Variants in DLGAP2 observed in about 807,000 individuals in gnomAD.
DLGAP2 encodes the protein DLG associated protein 2.
In DLGAP2, 26 loss-of-function variants were observed where a neutral mutation model predicts 100.3. That is an observed-to-expected ratio of 0.26 (90% CI 0.19 to 0.36). DLGAP2 has a LOEUF of 0.36. Ranked by LOEUF, DLGAP2 falls within the 10% of genes least tolerant of loss-of-function variation. The pLI is 1.00. For missense variants in DLGAP2, 1,858 were observed against 1,453.2 expected (o/e 1.28, Z -4.53); for synonymous variants, 886 against 630.1 (o/e 1.41, Z -6.08).
intron 2 of DLGAP2, among the ~76,000 whole-genome samples, chr8:986,280 G>A (rs967487669): frequency 5.9e-5 from 9 of 152,072 alleles, no homozygotes; most frequent in Non-Finnish European, 1.3e-4. Context: ...CTTCTGTGCC[G>A]GGTTTCCTTT....
intron 2 of DLGAP2, among the ~76,000 whole-genome samples, chr8:1,120,267 C>T (rs1796006778): frequency 6.6e-6 from 1 of 152,096 alleles, no homozygotes; most frequent in African/African-American, 2.4e-5. Context: ...AAGCAGCAGT[C>T]AGGGCCAAGG....
intron 2 of DLGAP2, among the ~76,000 whole-genome samples, chr8:1,229,613 C>T (rs1016453199): frequency 6.6e-6 from 1 of 152,000 alleles, no homozygotes; most frequent in Non-Finnish European, 1.5e-5. Context: ...AACACAGATG[C>T]AAACATTCTT....
intron 1 of DLGAP2, among the ~76,000 whole-genome samples, chr8:745,253 T>C (rs1374722914): frequency 6.6e-6 from 1 of 152,244 alleles, no homozygotes; most frequent in Non-Finnish European, 1.5e-5. Flanking sequence ...TTTCCGAACA[T>C]CTGTTTTCTG....
chr8:787,138 C>G (rs1821887847), intron 1 of DLGAP2, among the ~76,000 whole-genome samples: 1 of 152,182 alleles, frequency 6.6e-6, no homozygotes, highest in African/African-American at 2.4e-5. Context: ...GCAAACCTCC[C>G]TACCCCTCAT....
intron 6 of DLGAP2, among the ~76,000 whole-genome samples, chr8:1,584,170 TA>T (rs1421094649): frequency 6.6e-6 from 1 of 152,192 alleles, no homozygotes; most frequent in Non-Finnish European, 1.5e-5. Flanking sequence ...GATGAATGGA[TA>T]AAACCATCGT....
rs568899550 is a variant in DLGAP2 at position 974,078 on chromosome 8, G to A, written c.73+66112G>A. ...ATGGTAATACCAGAAAGAGAAGAAA[G>A]AAAGAAAAGAAAAGAAGAAATATTT... On this transcript the variant is annotated intron_variant, in intron 2 of 14. Coordinates refer to ENST00000637795, the MANE Select transcript of DLGAP2 (RefSeq NM_001346810.2). Among the ~76,000 whole-genome samples, 46 of 152,166 alleles carry A rather than the reference G, an allele frequency of 3.0e-4. No individual in the cohort carries two copies. The South Asian group carries it at 8.7e-3, about 29-fold the overall frequency.
Position 1,631,385 on chromosome 8 carries a change from A to G in DLGAP2, c.1591-1442A>G, listed in dbSNP as rs577832157. ...GACCTTCTCACGCTGTCTACGATACATCTTTGACAGGAATGACACAATCTA... is the reference window on the plus strand; with the variant it reads ...GACCTTCTCACGCTGTCTACGATACGTCTTTGACAGGAATGACACAATCTA... On this transcript the variant is annotated intron_variant, in intron 7 of 14. Coordinates refer to ENST00000637795, the MANE Select transcript of DLGAP2 (RefSeq NM_001346810.2). 5.1e-4 allele frequency among the ~76,000 whole-genome samples: 78 copies of G among 152,240 alleles called. 1 individual carries two copies. The highest frequency in any genetic ancestry group is 3.4e-3 in the Middle Eastern group (1 of 294).
chr8:963,596 A>C (rs1398838266), intron 2 of DLGAP2, among the ~76,000 whole-genome samples: 1 of 152,222 alleles, frequency 6.6e-6, no homozygotes, highest in South Asian at 2.1e-4. Context: ...TAATTTTATC[A>C]TCTTAATTGG....
chr8:1,368,960 C>G (rs570716469), intron 3 of DLGAP2: 1 of 152,194 alleles, frequency 6.6e-6, no homozygotes, highest in African/African-American at 2.4e-5. Context: ...AACGCAGGTC[C>G]TCCGCACATA....
chr8:1,042,130 C>A (rs138002245), intron 2 of DLGAP2, among the ~76,000 whole-genome samples: 54 of 152,304 alleles, frequency 3.5e-4, no homozygotes, highest in African/African-American at 1.3e-3. Flanking sequence ...AGCCCCAGCA[C>A]CTGCCTGGCT....
intron 6 of DLGAP2, among the ~76,000 whole-genome samples, chr8:1,584,520 G>C (rs764663735): frequency 2.0e-5 from 3 of 152,158 alleles, no homozygotes; most frequent in Non-Finnish European, 4.4e-5. Context: ...GTTTCAGCTG[G>C]AGGGAAGCGG....
At chr8:1,191,236 A>G (rs1414305730) in intron 2 of DLGAP2, among the ~76,000 whole-genome samples, 1 of 60,012 alleles carries the variant, frequency 1.7e-5, no homozygotes, top group Non-Finnish European at 4.5e-5. Flanking sequence ...CAGTGGCGCG[A>G]TCTCGGCTCA....
intron 1 of DLGAP2, among the ~76,000 whole-genome samples, chr8:758,282 T>C (rs1466229382): frequency 6.6e-6 from 1 of 152,224 alleles, no homozygotes; most frequent in Non-Finnish European, 1.5e-5. Context: ...GCCACATCTG[T>C]ACTTTCTGAA....
At chr8:1,261,806 G>A (rs1366727346) in intron 3 of DLGAP2, among the ~76,000 whole-genome samples, 1 of 152,210 alleles carries the variant, frequency 6.6e-6, no homozygotes, top group Non-Finnish European at 1.5e-5. Context: ...AGCTGGCTGG[G>A]CGCAGAGAGT....
intron 2 of DLGAP2, among the ~76,000 whole-genome samples, chr8:959,829 C>G (rs891170743): frequency 5.9e-5 from 9 of 152,044 alleles, no homozygotes; most frequent in Non-Finnish European, 1.2e-4. Context: ...ATTCTCAAGT[C>G]ATTAAAAACA....
intron 3 of DLGAP2, among the ~76,000 whole-genome samples, chr8:1,261,471 G>A (rs1394699007): frequency 5.3e-5 from 8 of 150,924 alleles, no homozygotes; most frequent in Admixed American, 3.3e-4. Context: ...TCTTTAAAAC[G>A]AGACAGACTG....
chr8:941,116 G>T (rs748223938), intron 2 of DLGAP2, among the ~76,000 whole-genome samples: 1 of 152,128 alleles, frequency 6.6e-6, no homozygotes. Context: ...AGGAGCTTTC[G>T]TGTGGGACCC....
intron 3 of DLGAP2, among the ~76,000 whole-genome samples, chr8:1,275,732 T>A (rs1347244851): frequency 8.2e-6 from 1 of 121,650 alleles, no homozygotes. Flanking sequence ...ATATATAAAA[T>A]ATATGTAATA....
intron 2 of DLGAP2, among the ~76,000 whole-genome samples, chr8:1,155,755 C>G (rs886313647): frequency 6.6e-6 from 1 of 152,172 alleles, no homozygotes; most frequent in African/African-American, 2.4e-5. Flanking sequence ...AGCGCGGGGC[C>G]TTGGTCGGTG....
Sources: gnomAD v4.1 joint callset for allele counts (sites outside exome capture counted in the v4.1 genomes callset) on GRCh38, gnomAD v4.1.1 for gene constraint, MANE v1.5 for transcripts, NCBI Gene and HGNC (gene_info 2026-07-23, HGNC 2026-07-21) for gene names.